Variants in TPR observed in about 807,000 individuals in gnomAD.
TPR encodes nucleoprotein TPR.
A neutral mutation model predicts 316.1 loss-of-function variants in TPR; 51 were observed. That is an observed-to-expected ratio of 0.16 (90% CI 0.13 to 0.20). The LOEUF is 0.20. TPR is among the 10% of genes least tolerant of loss of function. TPR has a pLI of 1.00. For missense variants in TPR, 2,272 were observed against 2,754.8 expected, an observed-to-expected ratio of 0.82 and a Z score of 3.92; for synonymous variants, 981 against 914.7, an observed-to-expected ratio of 1.07 and a Z score of -1.31.
At chr1:186,352,651 C>T (rs561688945) in intron 18 of TPR, among the ~76,000 whole-genome samples, 1 of 152,122 alleles carries the variant, frequency 6.6e-6, no homozygotes, top group Non-Finnish European at 1.5e-5. Flanking sequence ...TATAAATGAT[C>T]AATGATAAAA....
chr1:186,331,669 C>A (rs1172877624), intron 38 of TPR, 88 bp from the exon 39 acceptor site: 1 of 759,806 alleles, frequency 1.3e-6, no homozygotes, highest in South Asian at 2.9e-5. Context: ...TTTGAAAAAA[C>A]CCTTCAAATC....
Position 186,332,283 on chromosome 1 carries a change from G to A in TPR, c.5516C>T (p.Thr1839Ile). ...KRTREEEEDS[T>I]IEASDQVSDD... Reference sequence around the variant, plus strand: ...AGAGACTTGGTCTGATGCTTCTATGGTGCTATCCTCTTCCTCTTCACGTGT... The same window carrying A: ...AGAGACTTGGTCTGATGCTTCTATGATGCTATCCTCTTCCTCTTCACGTGT... Residue 1839 changes from threonine to isoleucine, a missense_variant, in exon 38 of 51, where the codon ACC becomes ATC. This residue lies in a region of TPR where 435 missense variants were observed against 461.1 expected (regional missense o/e 0.94). Transcript: ENST00000367478. The A allele has an allele frequency of 2.5e-6, 4 of 1,612,824 alleles. No individual in the cohort carries two copies. The highest frequency in any genetic ancestry group is 2.5e-6 in the Non-Finnish European group (3 of 1,179,358).
chr1:186,355,100 T>C lies in TPR; in HGVS notation c.2171+310A>G, dbSNP rs141605795. ...TTGTATTTTTAGTAGAGATGGGGTT[T>C]CACCATGGTGGCCAGGCTGGTCTTG... On this transcript the variant is annotated intron_variant, in intron 17 of 50. Transcript: ENST00000367478. Among the ~76,000 whole-genome samples, 938 of 152,214 alleles carry C rather than the reference T, an allele frequency of 6.2e-3. 5 individuals are homozygous for C. The highest frequency in any genetic ancestry group is 0.01 in the Non-Finnish European group (686 of 68,008).
intron 1 of TPR, among the ~76,000 whole-genome samples, chr1:186,374,394 C>T (rs1659631954): frequency 6.6e-6 from 1 of 152,146 alleles, no homozygotes; most frequent in South Asian, 2.1e-4. Flanking sequence ...CGCTCTTATG[C>T]ACCTAATATT....
chr1:186,362,326 G>C lies in TPR; in HGVS notation c.751C>G (p.Gln251Glu), dbSNP rs760168556. The C allele has an allele frequency of 6.2e-7, 1 of 1,612,328 alleles. No individual in the cohort carries two copies. Among genetic ancestry groups the C allele is most frequent in the Non-Finnish European group, 8.5e-7 (1 of 1,178,850 alleles). ...NGLKTSNEHL[Q>E]KHVEDLLTKL... Reference sequence around the variant, plus strand: ...GTCAACAGATCCTCCACATGCTTTTGAAGATGTTCATTTGATGTTTTTAAG... The same window carrying C: ...GTCAACAGATCCTCCACATGCTTTTCAAGATGTTCATTTGATGTTTTTAAG... The change falls in exon 7 of 51, where the codon CAA becomes GAA. Residue 251 changes from glutamine (Q) to glutamate (E), a missense_variant. Physicochemically the swap from Gln to Glu is conservative, Grantham distance 29. This residue lies in a region of TPR where 549 missense variants were observed against 598.6 expected (regional missense o/e 0.92). Coordinates refer to ENST00000367478, the MANE Select transcript of TPR (RefSeq NM_003292.3).
rs989454056 is a variant in TPR at position 186,367,831 on chromosome 1, C to G, written c.427+55G>C. 3 of 1,342,536 alleles carry G rather than the reference C, an allele frequency of 2.2e-6. No homozygotes were observed. In the African/African-American group the frequency reaches 4.3e-5, roughly 19 times the overall value. 83.2% of individuals were successfully genotyped at this position (1,342,536 alleles called of 1,614,324 possible). ...ATGGGCTGAGCACTAACTCCTAGCA[C>G]TAACAGAAGAAAAATAAAGGAATGG... On this transcript the variant is annotated intron_variant, in intron 4 of 50. Transcript: ENST00000367478.
Position 186,323,786 on chromosome 1 carries a change from T to G in TPR, c.6197A>C (p.Gln2066Pro). 1 of 1,545,956 alleles carries G rather than the reference T, an allele frequency of 6.5e-7. No individual in the cohort carries two copies. Among genetic ancestry groups the G allele is most frequent in the Admixed American group, 2.3e-5 (1 of 43,198 alleles). ...CGGTGACTGAGGTGCTCGAGGGGCCTGTCTTTCAGATGCTGATGATGGCTG... is the reference window on the plus strand; with the variant it reads ...CGGTGACTGAGGTGCTCGAGGGGCCGGTCTTTCAGATGCTGATGATGGCTG... ...EQQPSSASER[Q>P]APRAPQSPRR... The change falls in exon 43 of 51, where the codon CAG becomes CCG. Residue 2066 changes from glutamine (Q) to proline (P), a missense_variant. Coordinates refer to ENST00000367478, the MANE Select transcript of TPR (RefSeq NM_003292.3).
intron 26 of TPR, 44 bp from the exon 27 acceptor site, chr1:186,343,517 G>A: frequency 6.4e-7 from 1 of 1,573,032 alleles, no homozygotes; most frequent in Non-Finnish European, 8.6e-7. Flanking sequence ...ATTTTAAAAA[G>A]CCAACATTAC....
chr1:186,333,322 C>A lies in TPR; in HGVS notation c.5255G>T (p.Ser1752Ile). 6.2e-7 allele frequency: 1 copy of A among 1,613,662 alleles called. No homozygotes were observed. The highest frequency in any genetic ancestry group is 8.5e-7 in the Non-Finnish European group (1 of 1,179,708). ...GSTSGSVRST[S>I]PNVQPSISQP... Reference sequence around the variant, plus strand: ...AGAGATAGAAGGCTGGACATTAGGACTAGTAGAACGAACGGATCCACTTGT... The same window carrying A: ...AGAGATAGAAGGCTGGACATTAGGAATAGTAGAACGAACGGATCCACTTGT... The change falls in exon 37 of 51, where the codon AGT (serine) becomes ATT (isoleucine). Residue 1752 changes from serine to isoleucine, a missense_variant. Coordinates refer to ENST00000367478, the MANE Select transcript of TPR (RefSeq NM_003292.3).
rs1558028642 is a variant in TPR at position 186,357,571 on chromosome 1, C to T, written c.1550G>A (p.Arg517His). ...ATCAGCAGAGCTTACTTCCTCATCA[C>T]GAATTACGTGGTTACCCCTTGCTTC... ...LEEARGNHVI[R>H]DEEVSSADIS... is the part of the protein sequence containing the mutation. Residue 517 changes from arginine (R) to histidine (H), a missense_variant, in exon 14 of 51, where the codon CGT becomes CAT. By Grantham distance (29) the Arg-to-His change is conservative. Coordinates refer to ENST00000367478, the MANE Select transcript of TPR (RefSeq NM_003292.3). 6.8e-6 allele frequency: 11 copies of T among 1,613,998 alleles called. No homozygotes were observed. The highest frequency in any genetic ancestry group is 3.3e-5 in the Admixed American group (2 of 59,992).
Position 186,360,871 on chromosome 1 carries a change from C to T in TPR, c.993G>A (p.Val331=). The T allele has an allele frequency of 6.2e-7, 1 of 1,612,684 alleles. No homozygotes were observed. The highest frequency in any genetic ancestry group is 8.5e-7 in the Non-Finnish European group (1 of 1,179,172). Residue 331 remains valine, a synonymous_variant, in exon 10 of 51, where the codon GTG becomes GTA. Coordinates refer to ENST00000367478, the MANE Select transcript of TPR (RefSeq NM_003292.3). ...NKAIQDHLLE[V]EQSKDQMEKE... is the part of the protein sequence containing the mutation. ...TTTCCATTTGATCTTTGGATTGCTC[C>T]ACCTCTAGAAGATGATCTTGTATTG... is the stretch of plus-strand genomic sequence containing the variant.
intron 1 of TPR, among the ~76,000 whole-genome samples, chr1:186,374,178 G>A (rs1227936152): frequency 6.6e-6 from 1 of 151,916 alleles, no homozygotes; most frequent in East Asian, 1.9e-4. Flanking sequence ...ACATTAACGG[G>A]AAGTTTGTAT....
At chr1:186,323,510 C>G (rs2102054100) in intron 43 of TPR, among the ~76,000 whole-genome samples, 176 bp downstream of exon 43, 1 of 152,086 alleles carries the variant, frequency 6.6e-6, no homozygotes, top group East Asian at 1.9e-4. Context: ...TCTAAACATC[C>G]CTCAGAGATT....
At chr1:186,362,587 T>C (rs550161870) in intron 6 of TPR, among the ~76,000 whole-genome samples, 1 of 152,128 alleles carries the variant, frequency 6.6e-6, no homozygotes, top group South Asian at 2.1e-4. Context: ...CACCACTTCT[T>C]AAACAAACAC....
At chr1:186,315,510 T>G (rs1194310601) in intron 49 of TPR, among the ~76,000 whole-genome samples, 1 of 152,100 alleles carries the variant, frequency 6.6e-6, no homozygotes, top group East Asian at 1.9e-4. Flanking sequence ...CTCACAATCC[T>G]AACTCTACCA....
chr1:186,363,549 G>A, intron 4 of TPR, 104 bp from the exon 5 acceptor site: 1 of 714,908 alleles, frequency 1.4e-6, no homozygotes, highest in Non-Finnish European at 2.3e-6. Context: ...TACAAAGTAT[G>A]CACAGCTGGC....
chr1:186,361,116 CA>C, intron 9 of TPR, among the ~76,000 whole-genome samples: 1 of 151,600 alleles, frequency 6.6e-6, no homozygotes, highest in East Asian at 1.9e-4. Context: ...CTCTTACCCA[CA>C]AAGAAAATAA....
intron 18 of TPR, 119 bp from the exon 19 acceptor site, chr1:186,352,229 T>C (rs1658883822): frequency 3.4e-6 from 3 of 872,966 alleles, no homozygotes; most frequent in African/African-American, 1.7e-5. Context: ...TTAGGGACTA[T>C]ATCTCCTCAT....
Position 186,338,016 on chromosome 1 carries a change from A to T in TPR, c.4362+17T>A. 1 of 1,545,152 alleles carries T rather than the reference A, an allele frequency of 6.5e-7. No individual in the cohort carries two copies. The highest frequency in any genetic ancestry group is 2.2e-5 in the Admixed American group (1 of 44,684). Reference sequence around the variant, plus strand: ...TCATCCTAGTTTTTTTTTGTAAGATAAGTTTCTTCAAAATACCTTATCCTG... The same window carrying T: ...TCATCCTAGTTTTTTTTTGTAAGATTAGTTTCTTCAAAATACCTTATCCTG... On this transcript the variant is annotated intron_variant, in intron 31 of 50. Coordinates refer to ENST00000367478, the MANE Select transcript of TPR (RefSeq NM_003292.3).
Sources: allele counts gnomAD v4.1 joint callset (sites outside exome capture counted in the v4.1 genomes callset), GRCh38; gene constraint gnomAD v4.1.1; regional missense constraint gnomAD v4.1.1; transcripts MANE v1.5; gene names NCBI Gene and HGNC (gene_info 2026-07-23, HGNC 2026-07-21).